The following PXDNL variants were observed in gnomAD, a reference collection of about 807,000 sequenced individuals.
PXDNL encodes the protein probable oxidoreductase PXDNL.
PXDNL carries 145 observed loss-of-function variants against 150.8 expected under a neutral mutation model. The ratio of observed to expected loss-of-function variants is 0.96; its 90% CI spans 0.84 to 1.10. PXDNL has a LOEUF of 1.10. Ranked by LOEUF, PXDNL falls within the 50% of genes least tolerant of loss-of-function variation. The probability of loss-of-function intolerance (pLI) is 0.00; values close to 1 mark genes in which losing one functional copy is unlikely to be tolerated. For synonymous variants in PXDNL, 757 were observed against 725.7 expected (o/e 1.04, Z -0.69); for missense variants, 2,087 against 1,873.9 (o/e 1.11, Z -2.10).
intron 1 of PXDNL, among the ~76,000 whole-genome samples, chr8:51,735,521 A>C (rs1262914668): frequency 8.0e-6 from 1 of 125,016 alleles, no homozygotes; most frequent in Non-Finnish European, 1.7e-5. Context: ...AATTAATTAA[A>C]AATTGTTTTT....
At chr8:51,571,216 T>C (rs1233976680) in intron 3 of PXDNL, among the ~76,000 whole-genome samples, 1 of 151,858 alleles carries the variant, frequency 6.6e-6, no homozygotes, top group Non-Finnish European at 1.5e-5. Context: ...CAAATTTATG[T>C]TTGTTCTACA....
intron 1 of PXDNL, among the ~76,000 whole-genome samples, chr8:51,710,993 A>G (rs1490661026): frequency 6.6e-6 from 1 of 152,220 alleles, no homozygotes; most frequent in Non-Finnish European, 1.5e-5. Context: ...TATGTGTTCA[A>G]CGTAGAACTG....
Position 51,615,053 on chromosome 8 carries a change from C to T in PXDNL, c.237-22355G>A, listed in dbSNP as rs557352627. Reference sequence around the variant, plus strand: ...TATTATGTTCATAGAAAATCAAATGCAGATTTTCATACCTTTTCCTGTGAC... The same window carrying T: ...TATTATGTTCATAGAAAATCAAATGTAGATTTTCATACCTTTTCCTGTGAC... On this transcript the variant is annotated intron_variant, in intron 2 of 22. Transcript: ENST00000356297. 3.3e-5 allele frequency among the ~76,000 whole-genome samples: 5 copies of T among 152,256 alleles called. No homozygotes were observed. The East Asian group carries it at 9.7e-4, about 29-fold the overall frequency.
At chr8:51,426,552 A>G (rs1416126566) in intron 13 of PXDNL, 94 bp downstream of exon 13, 1 of 690,190 alleles carries the variant, frequency 1.4e-6, no homozygotes, top group Non-Finnish European at 2.4e-6. Context: ...TCGCAACAGT[A>G]AAAAATCAAT....
chr8:51,628,448 C>T lies in PXDNL; in HGVS notation c.236+26241G>A, dbSNP rs188269366. Reference sequence around the variant, plus strand: ...GGAGACAGAGTCTCACTCTGTCACCCAGGCTGGAGTACAGTGGCGCTGTCT... The same window carrying T: ...GGAGACAGAGTCTCACTCTGTCACCTAGGCTGGAGTACAGTGGCGCTGTCT... On this transcript the variant is annotated intron_variant, in intron 2 of 22. Transcript: ENST00000356297. Among the ~76,000 whole-genome samples the T allele has an allele frequency of 4.5e-5, 6 of 134,314 alleles. 1 individual carries two copies. The Admixed American group carries it at 4.8e-4, about 11-fold the overall frequency. 88.1% of individuals were successfully genotyped at this position (134,314 alleles called of 152,430 possible). A position where few individuals can be genotyped will look rare whatever the true frequency, so the allele number is the denominator to read the frequency against.
At chr8:51,542,621 C>T (rs1463610928) in intron 4 of PXDNL, among the ~76,000 whole-genome samples, 1 of 151,710 alleles carries the variant, frequency 6.6e-6, no homozygotes, top group Non-Finnish European at 1.5e-5. Flanking sequence ...CCAGCCGGAC[C>T]AATATGGTGA....
chr8:51,576,714 C>G (rs1237187983), intron 3 of PXDNL, among the ~76,000 whole-genome samples: 1 of 151,192 alleles, frequency 6.6e-6, no homozygotes, highest in Admixed American at 6.6e-5. Flanking sequence ...AATCAGAGAA[C>G]TAAAAAAAAG....
intron 1 of PXDNL, among the ~76,000 whole-genome samples, chr8:51,661,891 C>T (rs539681162): frequency 6.7e-6 from 1 of 148,394 alleles, no homozygotes; most frequent in Admixed American, 6.7e-5. Flanking sequence ...CTACAGATCT[C>T]CAACAATGGC....
intron 1 of PXDNL, among the ~76,000 whole-genome samples, chr8:51,764,484 AT>A (rs1270148510): frequency 1.3e-5 from 2 of 150,798 alleles, no homozygotes; most frequent in Admixed American, 1.3e-4. Context: ...GCTCCACCCT[AT>A]AAGTGTTGTT....
At chr8:51,540,873 A>G (rs534015941) in intron 4 of PXDNL, among the ~76,000 whole-genome samples, 40 of 151,656 alleles carry the variant, frequency 2.6e-4, no homozygotes, top group African/African-American at 9.4e-4. Flanking sequence ...TAACTCTTGT[A>G]TGATGTGCTT....
intron 3 of PXDNL, among the ~76,000 whole-genome samples, chr8:51,575,849 C>T (rs945583988): frequency 6.6e-6 from 1 of 151,418 alleles, no homozygotes; most frequent in Non-Finnish European, 1.5e-5. Flanking sequence ...AAACATCAAT[C>T]AAAAGAAAAC....
At chr8:51,597,716 TTTC>T (rs371288968) in intron 2 of PXDNL, among the ~76,000 whole-genome samples, 3,218 of 150,844 alleles carry the variant, frequency 0.021, 118 homozygotes, top group African/African-American at 0.075. Context: ...TTGCATTTTT[TTTC>T]TTTTTTTTTT....
chr8:51,710,873 A>G (rs1231253747), intron 1 of PXDNL, among the ~76,000 whole-genome samples: 1 of 152,232 alleles, frequency 6.6e-6, no homozygotes, highest in East Asian at 1.9e-4. Context: ...CATGACCTCA[A>G]CACAAAAAAG....
intron 8 of PXDNL, among the ~76,000 whole-genome samples, chr8:51,467,845 G>A (rs1810236360): frequency 6.6e-6 from 1 of 151,958 alleles, no homozygotes; most frequent in African/African-American, 2.4e-5. Context: ...TTCGTTCTGA[G>A]CTTTTAATTA....
At chr8:51,755,466 T>G (rs996430515) in intron 1 of PXDNL, among the ~76,000 whole-genome samples, 1 of 152,090 alleles carries the variant, frequency 6.6e-6, no homozygotes, top group African/African-American at 2.4e-5. Context: ...GACTAATTTT[T>G]GTATTTTTAG....
intron 1 of PXDNL, among the ~76,000 whole-genome samples, chr8:51,723,273 G>A (rs1816763635): frequency 6.6e-6 from 1 of 152,088 alleles, no homozygotes; most frequent in Admixed American, 6.5e-5. Flanking sequence ...TGTGGTAAAG[G>A]AAACACAAAT....
intron 19 of PXDNL, among the ~76,000 whole-genome samples, chr8:51,356,421 G>A (rs1378877589): frequency 1.3e-5 from 2 of 151,792 alleles, no homozygotes; most frequent in East Asian, 1.9e-4. Context: ...CCCGGGAGGT[G>A]GAGGTTGCAG....
At chr8:51,589,409 A>C (rs1813393617) in intron 3 of PXDNL, among the ~76,000 whole-genome samples, 1 of 152,218 alleles carries the variant, frequency 6.6e-6, no homozygotes, top group Admixed American at 6.5e-5. Flanking sequence ...ACAGAATGTT[A>C]AAGGTGATTC....
chr8:51,434,736 A>G (rs1586103836), intron 12 of PXDNL, among the ~76,000 whole-genome samples: 1 of 152,190 alleles, frequency 6.6e-6, no homozygotes, highest in South Asian at 2.1e-4. Flanking sequence ...TTACCCCCAA[A>G]TTATGATAAT....
Sources: allele counts gnomAD v4.1 joint callset (sites outside exome capture counted in the v4.1 genomes callset), GRCh38; gene constraint gnomAD v4.1.1; transcripts MANE v1.5; gene names NCBI Gene and HGNC (gene_info 2026-07-23, HGNC 2026-07-21).